ERICH6B: variants seen among roughly 807,000 people sequenced by gnomAD.
ERICH6B encodes glutamate rich 6B.
ERICH6B carries 69 observed loss-of-function variants against 80.0 expected under a neutral mutation model. The observed-to-expected ratio is 0.86, with a 90% CI of 0.71 to 1.05. ERICH6B has a LOEUF of 1.05. Ranked by LOEUF, ERICH6B falls within the 50% of genes least tolerant of loss-of-function variation. ERICH6B has a pLI of 0.00. For synonymous variants in ERICH6B, 283 were observed against 291.9 expected (o/e 0.97, Z 0.31); for missense variants, 754 against 796.1 (o/e 0.95, Z 0.64).
At chr13:45,574,808 TGGG>T in intron 8 of ERICH6B, 31 bp downstream of exon 8, 3 of 1,328,680 alleles carry the variant, frequency 2.3e-6, no homozygotes, top group Non-Finnish European at 3.1e-6. Context: ...TGGAGGAAGC[TGGG>T]GGGGGGGTCT....
At chr13:45,585,426 A>G (rs530313259) in intron 5 of ERICH6B, among the ~76,000 whole-genome samples, 4 of 152,302 alleles carry the variant, frequency 2.6e-5, no homozygotes, top group East Asian at 1.9e-4. Flanking sequence ...GCCAGACACA[A>G]TCATATACCT....
chr13:45,543,552 A>T (rs1873871250), intron 14 of ERICH6B, among the ~76,000 whole-genome samples: 1 of 152,146 alleles, frequency 6.6e-6, no homozygotes, highest in Non-Finnish European at 1.5e-5. Context: ...CAGACACTGG[A>T]GTGATGCCAC....
intron 10 of ERICH6B, 116 bp downstream of exon 10, chr13:45,563,611 C>T: frequency 1.0e-6 from 1 of 962,370 alleles, no homozygotes; most frequent in Admixed American, 2.0e-5. Flanking sequence ...CCTGTAGGCA[C>T]TGAAGTGAGT....
chr13:45,587,367 G>C (rs926823649), intron 4 of ERICH6B, 135 bp from the exon 5 acceptor site: 1 of 712,216 alleles, frequency 1.4e-6, no homozygotes, highest in Non-Finnish European at 2.3e-6. Flanking sequence ...GGTTTGAAGA[G>C]ACTAGCTGTG....
At chr13:45,572,402 T>C (rs935559870) in intron 8 of ERICH6B, among the ~76,000 whole-genome samples, 2 of 152,198 alleles carry the variant, frequency 1.3e-5, no homozygotes, top group African/African-American at 2.4e-5. Context: ...GCAAATTTGA[T>C]CCTTTCCTTG....
intron 9 of ERICH6B, among the ~76,000 whole-genome samples, chr13:45,565,203 T>TG (rs1231263810): frequency 6.6e-6 from 1 of 152,128 alleles, no homozygotes; most frequent in African/African-American, 2.4e-5. Context: ...AGAGAAGCCC[T>TG]GGGGGTCTCT....
intron 2 of ERICH6B, among the ~76,000 whole-genome samples, chr13:45,597,876 C>T (rs1332365456): frequency 2.0e-5 from 3 of 152,132 alleles, no homozygotes. Flanking sequence ...TCCTCCTCTC[C>T]ACTGTGGCCC....
chr13:45,566,935 G>A (rs542566707), intron 9 of ERICH6B, among the ~76,000 whole-genome samples: 1 of 152,254 alleles, frequency 6.6e-6, no homozygotes, highest in South Asian at 2.1e-4. Flanking sequence ...AAGCATCTGG[G>A]AGGGAGGCTA....
intron 11 of ERICH6B, among the ~76,000 whole-genome samples, chr13:45,556,230 G>C (rs1874431502): frequency 6.6e-6 from 1 of 151,974 alleles, no homozygotes; most frequent in East Asian, 1.9e-4. Context: ...GGGAGAGAAG[G>C]CTGTGTCTCA....
At position 45,565,374 on chromosome 13, in the gene ERICH6B, C is replaced by A. The variant is rs543554538; in HGVS notation, c.1188-1586G>T. Among the ~76,000 whole-genome samples the A allele has an allele frequency of 4.6e-3, 700 of 152,238 alleles. 2 individuals carry two copies. Among genetic ancestry groups the A allele is most frequent in the Non-Finnish European group, 7.5e-3 (512 of 68,012 alleles). ...TGCAACAGACCCATGGGGGCACAAA[C>A]TCATACCTGGCTCTCCAGGTTTCTG... On this transcript the variant is annotated intron_variant, in intron 9 of 14. Transcript: ENST00000298738.
chr13:45,577,315 C>T (rs895587549), intron 7 of ERICH6B, among the ~76,000 whole-genome samples: 10 of 104,648 alleles, frequency 9.6e-5, no homozygotes, highest in African/African-American at 2.5e-4. Context: ...GACGGAGTAT[C>T]GCTCTGTCAG....
intron 3 of ERICH6B, among the ~76,000 whole-genome samples, chr13:45,592,294 A>G (rs1201555234): frequency 6.6e-6 from 1 of 152,252 alleles, no homozygotes; most frequent in African/African-American, 2.4e-5. Context: ...AGGCAGAAGA[A>G]ACCAGCTCTG....
Position 45,596,916 on chromosome 13 carries a change from C to A in ERICH6B, c.90G>T (p.Glu30Asp). The change falls in exon 3 of 15, where the codon GAG becomes GAT. Residue 30 changes from glutamate to aspartate, a missense_variant. Transcript: ENST00000298738. ...CTAGTTCTACTTCAGTATCCTCTTT[C>A]TCTGAAGGCAAGTTCTGTGTGGAAT... ...PQYSTQNLPS[E>D]KEDTEVELDE... is the part of the protein sequence containing the mutation. 6.4e-7 allele frequency: 1 copy of A among 1,551,838 alleles called. No individual in the cohort carries two copies. Among genetic ancestry groups the A allele is most frequent in the Non-Finnish European group, 8.7e-7 (1 of 1,147,040 alleles).
At chr13:45,546,025 C>T (rs888434137) in intron 13 of ERICH6B, among the ~76,000 whole-genome samples, 1 of 152,206 alleles carries the variant, frequency 6.6e-6, no homozygotes, top group African/African-American at 2.4e-5. Flanking sequence ...ATTTGTCCAT[C>T]ATCTGTTCTC....
intron 8 of ERICH6B, among the ~76,000 whole-genome samples, chr13:45,573,117 G>A (rs1450610346): frequency 6.6e-6 from 1 of 151,776 alleles, no homozygotes; most frequent in African/African-American, 2.4e-5. Context: ...ACTTGCATTT[G>A]TATGTAATAA....
intron 3 of ERICH6B, among the ~76,000 whole-genome samples, chr13:45,595,007 AG>A (rs1275172078): frequency 2.0e-5 from 3 of 152,186 alleles, no homozygotes; most frequent in Non-Finnish European, 4.4e-5. Flanking sequence ...ACCCAACATG[AG>A]GAAGTACTGC....
In ERICH6B at chr13:45,563,802, G is replaced by A. The variant is rs1253654275; in HGVS notation, c.1188-14C>T. 1 of 1,550,528 alleles carries A rather than the reference G, an allele frequency of 6.4e-7. No homozygotes were observed. The highest frequency in any genetic ancestry group is 1.2e-5 in the South Asian group (1 of 84,006). ...TTTTTCTTCAGCCTAAAAGGAAAGT[G>A]GATCATCTTTAGAAGCCAAGACTAA... On this transcript the variant is annotated splice_polypyrimidine_tract_variant and intron_variant, in intron 9 of 14. Coordinates refer to ENST00000298738, the MANE Select transcript of ERICH6B (RefSeq NM_182542.3).
intron 5 of ERICH6B, among the ~76,000 whole-genome samples, chr13:45,582,898 C>A (rs868466978): frequency 6.6e-6 from 1 of 152,170 alleles, no homozygotes; most frequent in African/African-American, 2.4e-5. Flanking sequence ...ATGTAATTGG[C>A]TTCTATTGAT....
At chr13:45,572,103 G>A (rs1158103038) in intron 8 of ERICH6B, among the ~76,000 whole-genome samples, 2 of 152,212 alleles carry the variant, frequency 1.3e-5, no homozygotes, top group Non-Finnish European at 2.9e-5. Context: ...TATATTTCTG[G>A]TTTTCAATTG....
Sources: allele counts gnomAD v4.1 joint callset (sites outside exome capture counted in the v4.1 genomes callset), GRCh38; gene constraint gnomAD v4.1.1; transcripts MANE v1.5; gene names NCBI Gene and HGNC (gene_info 2026-07-23, HGNC 2026-07-21).